DPP10: variants seen among roughly 807,000 people sequenced by gnomAD.
The protein encoded by DPP10 is dipeptidyl peptidase like 10.
In DPP10, 33 loss-of-function variants were observed where a neutral mutation model predicts 120.9. The observed-to-expected ratio is 0.27, with a 90% confidence interval of 0.21 to 0.37. The LOEUF (loss-of-function observed/expected upper bound fraction) is 0.37. Ranked by LOEUF, DPP10 falls within the 10% of genes least tolerant of loss-of-function variation. The pLI is 1.00. For synonymous variants in DPP10, 337 were observed against 326.1 expected (o/e 1.03, Z -0.36); for missense variants, 816 against 942.8 (o/e 0.87, Z 1.76).
intron 1 of DPP10, among the ~76,000 whole-genome samples, chr2:114,760,815 A>G (rs934435184): frequency 1.3e-5 from 2 of 152,172 alleles, no homozygotes; most frequent in Admixed American, 6.5e-5. Flanking sequence ...TGACTTCATA[A>G]AGATTGAATA....
At chr2:114,841,813 T>C (rs908084270) in intron 1 of DPP10, among the ~76,000 whole-genome samples, 1 of 151,970 alleles carries the variant, frequency 6.6e-6, no homozygotes, top group Non-Finnish European at 1.5e-5. Flanking sequence ...ATCCCTCAGA[T>C]TGAGGTTTCC....
At chr2:115,337,013 T>G (rs1464060927) in intron 2 of DPP10, among the ~76,000 whole-genome samples, 1 of 152,066 alleles carries the variant, frequency 6.6e-6, no homozygotes, top group African/African-American at 2.4e-5. Context: ...CCTGCTAAAT[T>G]ACGTTGCAAT....
At chr2:115,818,150 C>T (rs114468242) in intron 21 of DPP10, among the ~76,000 whole-genome samples, 1,952 of 152,136 alleles carry the variant, frequency 0.013, 46 homozygotes, top group African/African-American at 0.042. Flanking sequence ...TAGTGATTAG[C>T]CATTTTATGA....
intron 1 of DPP10, among the ~76,000 whole-genome samples, chr2:114,678,516 G>C (rs1220207199): frequency 1.3e-5 from 2 of 151,822 alleles, no homozygotes; most frequent in Admixed American, 6.6e-5. Context: ...CACATGTGCT[G>C]GTCTTGTCTC....
chr2:115,174,781 T>C (rs2053586964), intron 1 of DPP10, among the ~76,000 whole-genome samples: 1 of 152,204 alleles, frequency 6.6e-6, no homozygotes. Context: ...GCCAACTTCT[T>C]AAGTCATGTT....
intron 1 of DPP10, among the ~76,000 whole-genome samples, chr2:114,893,702 GT>G (rs1692731807): frequency 6.6e-6 from 1 of 152,100 alleles, no homozygotes; most frequent in Non-Finnish European, 1.5e-5. Flanking sequence ...CCTGCTCCAG[GT>G]TAATAAGCAA....
intron 1 of DPP10, among the ~76,000 whole-genome samples, chr2:114,863,016 C>T (rs1043855926): frequency 2.6e-5 from 4 of 151,768 alleles, no homozygotes; most frequent in Non-Finnish European, 4.4e-5. Flanking sequence ...TGGTAGAATT[C>T]GCAGTACATA....
chr2:114,771,444 G>A (rs1036180579), intron 1 of DPP10, among the ~76,000 whole-genome samples: 9 of 152,158 alleles, frequency 5.9e-5, no homozygotes, highest in African/African-American at 1.9e-4. Context: ...ATTCGGCAAC[G>A]AGCATCACCT....
At chr2:114,888,687 A>T (rs1692289332) in intron 1 of DPP10, among the ~76,000 whole-genome samples, 1 of 152,160 alleles carries the variant, frequency 6.6e-6, no homozygotes, top group Non-Finnish European at 1.5e-5. Flanking sequence ...TTTTCATATT[A>T]AAGTGTTTTA....
intron 1 of DPP10, among the ~76,000 whole-genome samples, chr2:114,690,697 G>T (rs887951936): frequency 6.6e-6 from 1 of 152,024 alleles, no homozygotes; most frequent in Non-Finnish European, 1.5e-5. Context: ...TCACAGTATT[G>T]ATTCTTCCTA....
intron 1 of DPP10, among the ~76,000 whole-genome samples, chr2:114,902,100 A>G (rs1175727396): frequency 6.6e-6 from 1 of 152,192 alleles, no homozygotes; most frequent in Non-Finnish European, 1.5e-5. Flanking sequence ...GTCCTTCTGC[A>G]CCATGAAATG....
chr2:115,229,306 G>C lies in DPP10; in HGVS notation c.61-79933G>C, dbSNP rs1008147223. ...TATCAGATGGATAGTCTGAAAATCT[G>C]TTCCCCCATTCTGTAGGTTGTCTCT... On this transcript the variant is annotated intron_variant, in intron 1 of 25. Coordinates refer to ENST00000410059, the MANE Select transcript of DPP10 (RefSeq NM_020868.6). 3.3e-5 allele frequency among the ~76,000 whole-genome samples: 5 copies of C among 152,174 alleles called. No homozygotes were observed. In the South Asian group the frequency reaches 1.0e-3, roughly 32 times the overall value.
intron 1 of DPP10, among the ~76,000 whole-genome samples, chr2:114,991,408 C>T (rs1287974809): frequency 6.6e-6 from 1 of 151,970 alleles, no homozygotes; most frequent in Non-Finnish European, 1.5e-5. Context: ...AGGTTTTTAC[C>T]TAAGTGAAAA....
At chr2:115,276,406 A>C (rs2059923894) in intron 1 of DPP10, among the ~76,000 whole-genome samples, 3 of 152,260 alleles carry the variant, frequency 2.0e-5, no homozygotes, top group Middle Eastern at 6.8e-3. Flanking sequence ...TTTTCCCTGC[A>C]TTTTTATCTT....
At chr2:114,648,582 A>G (rs1696317473) in intron 1 of DPP10, among the ~76,000 whole-genome samples, 1 of 152,198 alleles carries the variant, frequency 6.6e-6, no homozygotes, top group Non-Finnish European at 1.5e-5. Flanking sequence ...CAGGACAGAC[A>G]TATTTGAATG....
At chr2:115,046,980 T>G (rs567745764) in intron 1 of DPP10, among the ~76,000 whole-genome samples, 3 of 152,192 alleles carry the variant, frequency 2.0e-5, no homozygotes, top group Non-Finnish European at 4.4e-5. Flanking sequence ...CTGGTACATA[T>G]TAACCATGAA....
At chr2:115,816,709 C>T (rs182424003) in intron 21 of DPP10, among the ~76,000 whole-genome samples, 6 of 149,846 alleles carry the variant, frequency 4.0e-5, no homozygotes, top group Non-Finnish European at 8.9e-5. Flanking sequence ...CTCCACCTCC[C>T]AGGTTCAAGC....
chr2:114,855,243 A>C (rs1689281079), intron 1 of DPP10, among the ~76,000 whole-genome samples: 1 of 152,214 alleles, frequency 6.6e-6, no homozygotes, highest in Admixed American at 6.5e-5. Flanking sequence ...TACCAAGCTC[A>C]TTTGACATAA....
chr2:115,718,462 ATTTC>A (rs2092560685), intron 7 of DPP10, among the ~76,000 whole-genome samples: 1 of 152,140 alleles, frequency 6.6e-6, no homozygotes, highest in Non-Finnish European at 1.5e-5. Flanking sequence ...CGTAGCTGTC[ATTTC>A]ATTCACTATT....
Sources: gnomAD v4.1 joint callset for allele counts (sites outside exome capture counted in the v4.1 genomes callset) on GRCh38, gnomAD v4.1.1 for gene constraint, MANE v1.5 for transcripts, NCBI Gene and HGNC (gene_info 2026-07-23, HGNC 2026-07-21) for gene names.